RABEP1: variants seen among roughly 807,000 people sequenced by gnomAD.
RABEP1 encodes rab GTPase-binding effector protein 1.
Under a neutral mutation model 123.4 loss-of-function variants are expected in RABEP1, and 51 were observed. That is an observed-to-expected ratio of 0.41 (90% confidence interval 0.33 to 0.52). The LOEUF (loss-of-function observed/expected upper bound fraction) is 0.52. RABEP1 is among the 20% of genes least tolerant of loss of function. The pLI, the probability that RABEP1 is intolerant of heterozygous loss-of-function variation, is 0.16. For synonymous variants in RABEP1, 347 were observed against 355.2 expected (o/e 0.98, Z 0.26); for missense variants, 888 against 996.3 (o/e 0.89, Z 1.46).
At chr17:5,360,960 CTT>C (rs370931304) in intron 8 of RABEP1, 755 of 406,984 alleles carry the variant, frequency 1.9e-3, no homozygotes, top group East Asian at 2.9e-3. Flanking sequence ...GCTTACTTAT[CTT>C]TTTTTTTTTT....
intron 1 of RABEP1, among the ~76,000 whole-genome samples, chr17:5,282,876 G>C (rs894791599): frequency 3.3e-5 from 5 of 151,952 alleles, no homozygotes; most frequent in African/African-American, 1.2e-4. Context: ...GGGAACATGT[G>C]CTATATTCGT....
intron 8 of RABEP1, among the ~76,000 whole-genome samples, chr17:5,356,729 C>A (rs1909048450): frequency 6.6e-6 from 1 of 151,034 alleles, no homozygotes; most frequent in Admixed American, 6.6e-5. Context: ...TGGCTCACTG[C>A]AGCCTTGACC....
chr17:5,360,508 G>A (rs1909417427), intron 8 of RABEP1, among the ~76,000 whole-genome samples: 1 of 152,258 alleles, frequency 6.6e-6, no homozygotes. Flanking sequence ...CTTGCAGTGA[G>A]CGGAGATCGC....
chr17:5,293,015 TGTGGTGGCTCATGCCTATAA>T (rs1424147929), intron 1 of RABEP1, among the ~76,000 whole-genome samples: 1 of 152,092 alleles, frequency 6.6e-6, no homozygotes, highest in Non-Finnish European at 1.5e-5. Context: ...ATTGGCCAGG[TGTGGTGGCTCATGCCTATAA>T]TCTCAGCAGT....
At chr17:5,329,393 TG>T (rs1906297541) in intron 2 of RABEP1, among the ~76,000 whole-genome samples, 1 of 151,984 alleles carries the variant, frequency 6.6e-6, no homozygotes, top group South Asian at 2.1e-4. Flanking sequence ...TAGCTGGGCG[TG>T]GTGGCACGCG....
At chr17:5,339,450 A>G (rs895214151) in intron 5 of RABEP1, among the ~76,000 whole-genome samples, 2 of 152,170 alleles carry the variant, frequency 1.3e-5, no homozygotes, top group Non-Finnish European at 2.9e-5. Context: ...TTGAAGTTGC[A>G]GTGAACCATG....
chr17:5,306,072 A>G (rs1597337955), intron 1 of RABEP1, among the ~76,000 whole-genome samples: 1 of 152,178 alleles, frequency 6.6e-6, no homozygotes. Context: ...TCGACTTACC[A>G]TGGGGCTATA....
chr17:5,371,865 C>CA (rs1159189594), intron 12 of RABEP1, among the ~76,000 whole-genome samples: 1 of 152,088 alleles, frequency 6.6e-6, no homozygotes, highest in Non-Finnish European at 1.5e-5. Context: ...TTCTCCAGGG[C>CA]AAAGTCTTTG....
chr17:5,360,529 TC>T (rs1457260126), intron 8 of RABEP1, among the ~76,000 whole-genome samples: 2 of 152,198 alleles, frequency 1.3e-5, no homozygotes, highest in African/African-American at 4.8e-5. Context: ...GCCACTGCAC[TC>T]CAGCCTGGGC....
At chr17:5,367,365 A>G (rs185189998) in intron 11 of RABEP1, among the ~76,000 whole-genome samples, 4,049 of 151,284 alleles carry the variant, frequency 0.027, 162 homozygotes, top group African/African-American at 0.091. Flanking sequence ...TCTGCCTCCC[A>G]GGTTCAAGCG....
intron 7 of RABEP1, among the ~76,000 whole-genome samples, chr17:5,353,122 C>T (rs1230861413): frequency 6.6e-6 from 1 of 152,196 alleles, no homozygotes; most frequent in Non-Finnish European, 1.5e-5. Flanking sequence ...TTCTCCATGT[C>T]CTTTACTTCT....
At chr17:5,290,051 C>T (rs2075017965) in intron 1 of RABEP1, among the ~76,000 whole-genome samples, 1 of 152,152 alleles carries the variant, frequency 6.6e-6, no homozygotes, top group South Asian at 2.1e-4. Context: ...ATGTTCTCTT[C>T]TTATGTAGTC....
chr17:5,338,080 C>G lies in RABEP1; in HGVS notation c.590C>G (p.Ala197Gly), dbSNP rs767678912. 1.9e-5 allele frequency: 31 copies of G among 1,613,416 alleles called. 2 individuals are homozygous for G. In the East Asian group the frequency reaches 4.5e-4, roughly 23 times the overall value. Residue 197 changes from alanine (A) to glycine (G), a missense_variant, in exon 5 of 18, where the codon GCT (alanine) becomes GGT (glycine). Ala to Gly is a moderately conservative substitution (Grantham distance 60). Coordinates refer to ENST00000537505, the MANE Select transcript of RABEP1 (RefSeq NM_004703.6). ...ATGCCAATGGAAAAGGAAATTGCAG[C>G]TTTGAAGGATAAACTGACAGAGGCT... Reference protein sequence around the residue: ...VVMPMEKEIAALKDKLTEAED... With the variant: ...VVMPMEKEIAGLKDKLTEAED...
intron 2 of RABEP1, among the ~76,000 whole-genome samples, chr17:5,312,893 G>T (rs1351553981): frequency 6.6e-6 from 1 of 152,108 alleles, no homozygotes; most frequent in Non-Finnish European, 1.5e-5. Context: ...GATCACCTGA[G>T]GTCAGGAGTT....
chr17:5,332,008 C>A lies in RABEP1; in HGVS notation c.223C>A (p.Arg75=). The A allele has an allele frequency of 1.2e-6, 2 of 1,613,970 alleles. No individual in the cohort carries two copies. The highest frequency in any genetic ancestry group is 2.2e-5 in the South Asian group (2 of 91,074). The part of the protein sequence containing the change: ...QAAQDDLGHL[R]TQLWEAQAEM... ...TGCACAAGATGATTTGGGACACCTT[C>A]GAACCCAGCTGTGGGAAGCTCAAGC... The change falls in exon 3 of 18, where the codon CGA becomes AGA. Residue 75 remains arginine (R), a synonymous_variant. Transcript: ENST00000537505.
chr17:5,293,292 C>A (rs1235298620), intron 1 of RABEP1, among the ~76,000 whole-genome samples: 4 of 150,654 alleles, frequency 2.7e-5, no homozygotes, highest in Non-Finnish European at 5.9e-5. Flanking sequence ...TGTCTCCCCC[C>A]TCAAAAAAAA....
intron 1 of RABEP1, among the ~76,000 whole-genome samples, chr17:5,308,218 A>C (rs2075198966): frequency 1.4e-5 from 2 of 142,414 alleles, no homozygotes; most frequent in South Asian, 4.4e-4. Flanking sequence ...ATTAAGTCTA[A>C]TACAAGGATC....
intron 7 of RABEP1, among the ~76,000 whole-genome samples, chr17:5,353,110 C>CT (rs1448502100): frequency 6.6e-6 from 1 of 152,216 alleles, no homozygotes; most frequent in East Asian, 1.9e-4. Context: ...CTCACCACCT[C>CT]TTTCTCCATG....
At chr17:5,321,444 A>G (rs1361449164) in intron 2 of RABEP1, among the ~76,000 whole-genome samples, 3 of 152,170 alleles carry the variant, frequency 2.0e-5, no homozygotes, top group Non-Finnish European at 4.4e-5. Flanking sequence ...CCCTATCTCA[A>G]ACGAACAAAG....
Sources: allele counts gnomAD v4.1 joint callset (sites outside exome capture counted in the v4.1 genomes callset), GRCh38; gene constraint gnomAD v4.1.1; transcripts MANE v1.5; gene names NCBI Gene and HGNC (gene_info 2026-07-23, HGNC 2026-07-21).